TAFA5: variants seen among roughly 807,000 people sequenced by gnomAD.
The protein encoded by TAFA5 is chemokine-like protein TAFA-5.
In TAFA5, 6 loss-of-function variants were observed where a neutral mutation model predicts 15.3. The ratio of observed to expected loss-of-function variants is 0.39; its 90% CI spans 0.21 to 0.77. The LOEUF (loss-of-function observed/expected upper bound fraction) is 0.77, where lower values mean the gene tolerates loss of function less well. Ranked by LOEUF, TAFA5 falls within the 30% of genes least tolerant of loss-of-function variation. TAFA5 has a pLI of 0.41. For synonymous variants in TAFA5, 103 were observed against 80.7 expected, an observed-to-expected ratio of 1.28 and a Z score of -1.48; for missense variants, 161 against 193.1, an observed-to-expected ratio of 0.83 and a Z score of 0.98.
intron 1 of TAFA5, among the ~76,000 whole-genome samples, chr22:48,529,105 G>C (rs992241165): frequency 1.4e-4 from 21 of 152,282 alleles, no homozygotes; most frequent in African/African-American, 3.8e-4. Context: ...TTGAGAACTC[G>C]CTCTGGCGCT....
intron 2 of TAFA5, among the ~76,000 whole-genome samples, chr22:48,695,418 T>C (rs910572): frequency 0.28 from 43,190 of 152,050 alleles, 6,430 homozygotes; most frequent in African/African-American, 0.36. Context: ...TGATTCATTT[T>C]TCCAAGCTGT....
intron 1 of TAFA5, among the ~76,000 whole-genome samples, chr22:48,501,119 C>G (rs546424498): frequency 7.5e-4 from 115 of 152,338 alleles, no homozygotes; most frequent in African/African-American, 2.6e-3. Context: ...CACTGCCTTT[C>G]TCGGGCTGTG....
intron 1 of TAFA5, among the ~76,000 whole-genome samples, chr22:48,623,860 T>C (rs1925938129): frequency 6.6e-6 from 1 of 152,260 alleles, no homozygotes; most frequent in Admixed American, 6.5e-5. Context: ...AACGTTCCCA[T>C]ATACTATGCA....
At chr22:48,621,821 G>A (rs1366541704) in intron 1 of TAFA5, among the ~76,000 whole-genome samples, 2 of 152,162 alleles carry the variant, frequency 1.3e-5, no homozygotes, top group South Asian at 2.1e-4. Context: ...GAGAGCCCAC[G>A]AGGTCTCAGT....
intron 1 of TAFA5, among the ~76,000 whole-genome samples, chr22:48,630,984 G>T (rs1418436056): frequency 6.6e-6 from 1 of 152,202 alleles, no homozygotes; most frequent in African/African-American, 2.4e-5. Context: ...GGAACTCGGC[G>T]TGTCCTGCAG....
chr22:48,700,317 C>T (rs926755763), intron 2 of TAFA5, among the ~76,000 whole-genome samples: 9 of 152,058 alleles, frequency 5.9e-5, no homozygotes, highest in African/African-American at 1.9e-4. Context: ...TGGAAGCTAG[C>T]AGGTGGGGTG....
chr22:48,552,499 G>A lies in TAFA5; in HGVS notation c.112+62795G>A, dbSNP rs1922891013. On this transcript the variant is annotated intron_variant, in intron 1 of 3. Coordinates refer to ENST00000402357, the MANE Select transcript of TAFA5 (RefSeq NM_001082967.3). The surrounding 1 kb of genome is among the most constrained non-coding windows in gnomAD (Gnocchi z 4.1). ...TCTCTCGGGGTCCTGCAGGCCACGAGGTGGGCAGCCTGCTCTCCTTGGGTC... is the reference window on the plus strand; with the variant it reads ...TCTCTCGGGGTCCTGCAGGCCACGAAGTGGGCAGCCTGCTCTCCTTGGGTC... Among the ~76,000 whole-genome samples, 1 of 152,166 alleles carries A rather than the reference G, an allele frequency of 6.6e-6. No homozygotes were observed. Among genetic ancestry groups the A allele is most frequent in the Non-Finnish European group, 1.5e-5 (1 of 68,024 alleles).
chr22:48,581,564 C>T (rs973270888), intron 1 of TAFA5, among the ~76,000 whole-genome samples: 7 of 152,212 alleles, frequency 4.6e-5, no homozygotes, highest in Admixed American at 2.0e-4. Context: ...CTGGCGAGGC[C>T]GTGTCCGTGC....
chr22:48,710,236 C>T (rs149341707), intron 3 of TAFA5, among the ~76,000 whole-genome samples: 9 of 152,178 alleles, frequency 5.9e-5, no homozygotes, highest in South Asian at 4.1e-4. Context: ...TGAAGCCCCC[C>T]GTATGCAGGG....
chr22:48,556,883 G>A (rs1337607457), intron 1 of TAFA5, among the ~76,000 whole-genome samples: 1 of 152,214 alleles, frequency 6.6e-6, no homozygotes, highest in Non-Finnish European at 1.5e-5. Flanking sequence ...GCAGACCCAG[G>A]CACCCTGCCG....
At chr22:48,539,610 A>G (rs546873540) in intron 1 of TAFA5, among the ~76,000 whole-genome samples, 4 of 152,350 alleles carry the variant, frequency 2.6e-5, no homozygotes, top group East Asian at 1.9e-4. Flanking sequence ...CGAGGAAGGT[A>G]TGCTGTGCTG....
At chr22:48,564,784 G>C (rs1328235265) in intron 1 of TAFA5, among the ~76,000 whole-genome samples, 1 of 152,212 alleles carries the variant, frequency 6.6e-6, no homozygotes, top group Non-Finnish European at 1.5e-5. Context: ...ATGTCCTGGG[G>C]GTTCCATCAA....
chr22:48,612,734 C>A (rs1925456649), intron 1 of TAFA5, among the ~76,000 whole-genome samples: 2 of 152,204 alleles, frequency 1.3e-5, no homozygotes, highest in South Asian at 4.1e-4. Context: ...CTCTGAGAAA[C>A]CCTCCTGGGC....
chr22:48,629,682 A>C (rs1248851815), intron 1 of TAFA5, among the ~76,000 whole-genome samples: 1 of 152,202 alleles, frequency 6.6e-6, no homozygotes, highest in Non-Finnish European at 1.5e-5. Context: ...TGGTTGTTCC[A>C]ACGTGGGATG....
At position 48,598,151 on chromosome 22, in the gene TAFA5, G is replaced by A. The variant is rs377078096; in HGVS notation, c.113-48446G>A. On this transcript the variant is annotated intron_variant, in intron 1 of 3. Transcript: ENST00000402357. The surrounding 1 kb of genome is among the most constrained non-coding windows in gnomAD (Gnocchi z 4.0). ...GTGCAGCTGGCGTCGTGAGGCCTCC[G>A]CTGGAGAATTCTTTTCTTGCTTGAG... Among the ~76,000 whole-genome samples the A allele has an allele frequency of 6.6e-6, 1 of 152,174 alleles. No homozygotes were observed. Among genetic ancestry groups the A allele is most frequent in the Non-Finnish European group, 1.5e-5 (1 of 68,032 alleles).
chr22:48,496,185 T>C (rs1928317581), intron 1 of TAFA5, among the ~76,000 whole-genome samples: 1 of 152,194 alleles, frequency 6.6e-6, no homozygotes, highest in Admixed American at 6.5e-5. Context: ...GCGTGTGTGT[T>C]GTGGTGGCCA....
intron 1 of TAFA5, among the ~76,000 whole-genome samples, chr22:48,513,318 G>C (rs546592566): frequency 1.6e-4 from 24 of 152,182 alleles, no homozygotes; most frequent in Non-Finnish European, 2.6e-4. Flanking sequence ...ACATCGAAGC[G>C]TTTTGTTACA....
At chr22:48,512,535 G>C (rs1921252790) in intron 1 of TAFA5, among the ~76,000 whole-genome samples, 1 of 152,128 alleles carries the variant, frequency 6.6e-6, no homozygotes, top group South Asian at 2.1e-4. Context: ...TTGAACCTGG[G>C]AGACAGAGGT....
At chr22:48,691,018 C>T (rs1928523893) in intron 2 of TAFA5, among the ~76,000 whole-genome samples, 2 of 152,152 alleles carry the variant, frequency 1.3e-5, no homozygotes, top group South Asian at 2.1e-4. Context: ...CTTGACCCTC[C>T]TGAGCGCCGT....
Sources: gnomAD v4.1 joint callset for allele counts (sites outside exome capture counted in the v4.1 genomes callset) on GRCh38, gnomAD v4.1.1 for gene constraint, Gnocchi (gnomAD v3.1) non-coding constraint, MANE v1.5 for transcripts, NCBI Gene and HGNC (gene_info 2026-07-23, HGNC 2026-07-21) for gene names.